Variants in CRIM1 observed in about 807,000 individuals in gnomAD.
The protein encoded by CRIM1 is cysteine rich transmembrane BMP regulator 1, also known as cysteine-rich motor neuron 1 protein.
A neutral mutation model predicts 116.4 loss-of-function variants in CRIM1; 32 were observed. The observed-to-expected ratio is 0.27, with a 90% CI of 0.21 to 0.37. The LOEUF (loss-of-function observed/expected upper bound fraction) is 0.37. Among genes scored for constraint, CRIM1 ranks in the 10% least tolerant of loss-of-function variants. The pLI, the probability that CRIM1 is intolerant of heterozygous loss-of-function variation, is 1.00. For synonymous variants in CRIM1, 590 were observed against 509.2 expected, an observed-to-expected ratio of 1.16 and a Z score of -2.13; for missense variants, 1,331 against 1,354.8, an observed-to-expected ratio of 0.98 and a Z score of 0.28.
rs756989756 is a variant in CRIM1, at chr2:36,512,387, G to A, written c.1773G>A (p.Lys591=). 1.9e-6 allele frequency: 3 copies of A among 1,612,952 alleles called. No individual in the cohort carries two copies. The highest frequency in any genetic ancestry group is 2.5e-6 in the Non-Finnish European group (3 of 1,179,078). ...QQDSHGCLIC[K]CREASASAGP... ...ACAGTCACGGCTGTCTTATCTGCAAGTGCAGAGGTAAGTGTGTACACATGG... is the reference window on the plus strand; with the variant it reads ...ACAGTCACGGCTGTCTTATCTGCAAATGCAGAGGTAAGTGTGTACACATGG... Residue 591 remains lysine (K), a synonymous_variant, in exon 10 of 17, where the codon AAG becomes AAA. Coordinates refer to ENST00000280527, the MANE Select transcript of CRIM1 (RefSeq NM_016441.3).
chr2:36,401,183 G>A (rs144970264), intron 2 of CRIM1, among the ~76,000 whole-genome samples: 2 of 152,260 alleles, frequency 1.3e-5, no homozygotes, highest in East Asian at 3.9e-4. Flanking sequence ...AAAAGTTCCT[G>A]TGTATTACTT....
chr2:36,488,546 C>T (rs3770841), intron 7 of CRIM1, among the ~76,000 whole-genome samples: 99,564 of 152,110 alleles, frequency 0.65, 32,786 homozygotes, highest in African/African-American at 0.71. Flanking sequence ...TAACATGTTT[C>T]TGAAATTTGC....
intron 4 of CRIM1, among the ~76,000 whole-genome samples, chr2:36,462,788 T>G (rs78474098): frequency 0.066 from 10,056 of 152,266 alleles, 772 homozygotes; most frequent in African/African-American, 0.18. Flanking sequence ...GAGTGCCAAG[T>G]ACAATAAATG....
Position 36,544,506 on chromosome 2 carries a change from T to A in CRIM1, c.2746+8T>A, listed in dbSNP as rs746481066. On this transcript the variant is annotated splice_region_variant and intron_variant, in intron 15 of 16. Transcript: ENST00000280527. ...TCGTCCATCTCCCTAGAGGTAAGCA[T>A]TGAAGGCAGCTGAGATCTGCTAGTT... 12 of 1,327,632 alleles carry A rather than the reference T, an allele frequency of 9.0e-6. No individual in the cohort carries two copies. Among genetic ancestry groups the A allele is most frequent in the Middle Eastern group, 4.0e-4 (2 of 4,982 alleles). 82.2% of individuals were successfully genotyped at this position (1,327,632 alleles called of 1,614,324 possible).
At chr2:36,548,128 C>T (rs985953774) in intron 16 of CRIM1, among the ~76,000 whole-genome samples, 4 of 152,200 alleles carry the variant, frequency 2.6e-5, no homozygotes, top group African/African-American at 9.7e-5. Flanking sequence ...CAGGCTGGCC[C>T]AGCCTATGAT....
intron 1 of CRIM1, among the ~76,000 whole-genome samples, chr2:36,384,424 C>A (rs988998045): frequency 6.6e-6 from 1 of 152,092 alleles, no homozygotes; most frequent in East Asian, 1.9e-4. Flanking sequence ...TCTCTGGGAC[C>A]CCCAAAGTGA....
chr2:36,494,508 A>G (rs540493825), intron 7 of CRIM1, among the ~76,000 whole-genome samples: 3 of 152,172 alleles, frequency 2.0e-5, no homozygotes, highest in African/African-American at 7.2e-5. Flanking sequence ...AAGACTTGGG[A>G]TAAGAATTGG....
Position 36,548,790 on chromosome 2 carries a change from G to A in CRIM1, c.*89G>A, listed in dbSNP as rs1667540429. On this transcript the variant is annotated 3_prime_UTR_variant, in exon 17 of 17. Coordinates refer to ENST00000280527, the MANE Select transcript of CRIM1 (RefSeq NM_016441.3). ...ACTAGAATTTGTGCACTTGCTTAGTGGATTGTATTGGATTGTGACTTGATG... is the reference window on the plus strand; with the variant it reads ...ACTAGAATTTGTGCACTTGCTTAGTAGATTGTATTGGATTGTGACTTGATG... 5 of 1,038,876 alleles carry A rather than the reference G, an allele frequency of 4.8e-6. No homozygotes were observed. The highest frequency in any genetic ancestry group is 7.0e-6 in the Non-Finnish European group (5 of 711,780). 64.4% of individuals were successfully genotyped at this position (1,038,876 alleles called of 1,614,324 possible).
chr2:36,429,607 G>A (rs1323431164), intron 2 of CRIM1, among the ~76,000 whole-genome samples: 1 of 152,218 alleles, frequency 6.6e-6, no homozygotes. Context: ...AGAGAAAGCA[G>A]CTGTTTTTAG....
At chr2:36,530,247 A>T (rs1206397320) in intron 13 of CRIM1, among the ~76,000 whole-genome samples, 1 of 152,172 alleles carries the variant, frequency 6.6e-6, no homozygotes, top group Non-Finnish European at 1.5e-5. Flanking sequence ...ATTCTTTTAC[A>T]GTCTGTAAAG....
At chr2:36,418,905 C>G (rs560524761) in intron 2 of CRIM1, among the ~76,000 whole-genome samples, 17 of 152,178 alleles carry the variant, frequency 1.1e-4, no homozygotes, top group Non-Finnish European at 8.8e-5. Flanking sequence ...CCAGCGCTGT[C>G]TTAGGCCTCT....
intron 1 of CRIM1, among the ~76,000 whole-genome samples, chr2:36,378,017 C>T (rs1168095757): frequency 6.6e-6 from 1 of 152,124 alleles, no homozygotes; most frequent in Admixed American, 6.5e-5. Context: ...GATTTGTTTT[C>T]AATAAGCATT....
At chr2:36,481,272 G>C (rs563683348) in intron 7 of CRIM1, among the ~76,000 whole-genome samples, 2 of 152,098 alleles carry the variant, frequency 1.3e-5, no homozygotes, top group Admixed American at 1.3e-4. Context: ...GAAGGCAGTT[G>C]GTGAACAGGT....
At chr2:36,537,254 C>T (rs1262188865) in intron 13 of CRIM1, 98 bp from the exon 14 acceptor site, 13 of 1,144,258 alleles carry the variant, frequency 1.1e-5, no homozygotes, top group Non-Finnish European at 1.4e-5. Context: ...CTAAAGCATA[C>T]TGTGATTATA....
At position 36,550,234 on chromosome 2, in the gene CRIM1, A is replaced by AT. The variant is rs10707574; in HGVS notation, c.*1551dup. ...ATCTGCATCACTAATCAGCTCCTGG[A>AT]TTTTTTTTTTTTTTTTTTCAAACAA... On this transcript the variant is annotated 3_prime_UTR_variant, in exon 17 of 17. Transcript: ENST00000280527. 1,157 of 132,194 alleles carry AT rather than the reference A, an allele frequency of 8.8e-3. 2 individuals are homozygous for AT. The highest frequency in any genetic ancestry group is 0.012 in the Admixed American group (164 of 13,314). The allele number at this position is 132,194 out of a possible 1,614,324, so 8.2% of individuals were successfully genotyped here.
intron 4 of CRIM1, among the ~76,000 whole-genome samples, chr2:36,446,238 C>T (rs1277907583): frequency 6.6e-6 from 1 of 152,122 alleles, no homozygotes; most frequent in Non-Finnish European, 1.5e-5. Flanking sequence ...ATGGAATTGC[C>T]CTTCCCTATG....
At chr2:36,382,131 T>G (rs1446600051) in intron 1 of CRIM1, among the ~76,000 whole-genome samples, 1 of 152,168 alleles carries the variant, frequency 6.6e-6, no homozygotes, top group African/African-American at 2.4e-5. Flanking sequence ...ATTAAAGCCT[T>G]TGGCAGAATC....
chr2:36,514,561 T>C (rs1298266043), intron 11 of CRIM1, among the ~76,000 whole-genome samples: 2 of 152,220 alleles, frequency 1.3e-5, no homozygotes, highest in East Asian at 1.9e-4. Context: ...TAAAATAGTA[T>C]GTCCACCAAA....
At chr2:36,460,912 G>A (rs1677530871) in intron 4 of CRIM1, among the ~76,000 whole-genome samples, 1 of 152,174 alleles carries the variant, frequency 6.6e-6, no homozygotes, top group African/African-American at 2.4e-5. Context: ...TGGGCATAAG[G>A]GCTGGATGAG....
Sources: gnomAD v4.1 joint callset for allele counts (sites outside exome capture counted in the v4.1 genomes callset) on GRCh38, gnomAD v4.1.1 for gene constraint, MANE v1.5 for transcripts, NCBI Gene and HGNC (gene_info 2026-07-23, HGNC 2026-07-21) for gene names.